The following CLPB variants were observed in gnomAD, a reference collection of about 807,000 sequenced individuals.
CLPB encodes mitochondrial disaggregase.
A neutral mutation model predicts 78.4 loss-of-function variants in CLPB; 40 were observed. The observed-to-expected ratio is 0.51, with a 90% CI of 0.40 to 0.66. The LOEUF (loss-of-function observed/expected upper bound fraction) is 0.66. CLPB is among the 30% of genes least tolerant of loss of function. The pLI is 0.00. For synonymous variants in CLPB, 333 were observed against 348.0 expected, an observed-to-expected ratio of 0.96 and a Z score of 0.48; for missense variants, 780 against 886.9, an observed-to-expected ratio of 0.88 and a Z score of 1.53.
At chr11:72,354,159 A>T in intron 5 of CLPB, 1 of 365,974 alleles carries the variant, frequency 2.7e-6, no homozygotes, top group East Asian at 3.9e-5. Flanking sequence ...CAAGATCCTG[A>T]CTCCAATATT....
chr11:72,328,945 G>A (rs1397163605), intron 6 of CLPB, among the ~76,000 whole-genome samples: 1 of 152,184 alleles, frequency 6.6e-6, no homozygotes, highest in African/African-American at 2.4e-5. Flanking sequence ...GGCCACGTGG[G>A]CAGTGCTCTA....
At position 72,304,762 on chromosome 11, in the gene CLPB, A is replaced by T. The variant is rs545204753; in HGVS notation, c.1123-2414T>A. ...CCAGAACTAGAATTCACATCATCAG[A>T]CTCCAGGCCAGTGCTCATTTCATTT... is the stretch of plus-strand genomic sequence containing the variant. On this transcript the variant is annotated intron_variant, in intron 9 of 15. Transcript: ENST00000538039. 2.6e-5 allele frequency among the ~76,000 whole-genome samples: 4 copies of T among 152,204 alleles called. No individual in the cohort carries two copies. The South Asian group carries it at 8.3e-4, about 32-fold the overall frequency.
intron 5 of CLPB, among the ~76,000 whole-genome samples, chr11:72,336,461 G>C (rs1475769705): frequency 6.6e-6 from 1 of 152,164 alleles, no homozygotes; most frequent in Non-Finnish European, 1.5e-5. Context: ...CAGGGCACTT[G>C]CTCTACTTCT....
chr11:72,349,944 A>T (rs1043562321), intron 5 of CLPB, among the ~76,000 whole-genome samples: 2 of 152,362 alleles, frequency 1.3e-5, no homozygotes, highest in Admixed American at 6.5e-5. Context: ...GTCATGCCGG[A>T]TACCGGCCAG....
intron 2 of CLPB, among the ~76,000 whole-genome samples, chr11:72,422,189 C>A (rs1856223816): frequency 1.3e-5 from 2 of 149,480 alleles, no homozygotes; most frequent in South Asian, 4.2e-4. Context: ...TGGCGTGAAC[C>A]CGAGAGGCGG....
intron 5 of CLPB, chr11:72,332,846 C>T (rs1950252721): frequency 6.6e-6 from 1 of 152,162 alleles, no homozygotes. Context: ...GTTTTTCTAT[C>T]AGGTGATGAT....
intron 4 of CLPB, among the ~76,000 whole-genome samples, chr11:72,378,704 C>T (rs1307649252): frequency 6.6e-6 from 1 of 152,158 alleles, no homozygotes; most frequent in Admixed American, 6.5e-5. Context: ...AGCTGAGTCC[C>T]CACATATCAG....
chr11:72,300,537 T>C (rs558803309), intron 11 of CLPB, among the ~76,000 whole-genome samples: 42 of 152,206 alleles, frequency 2.8e-4, no homozygotes, highest in Admixed American at 2.7e-3. Flanking sequence ...AGGGAGCAGC[T>C]GAAGGGCTAG....
chr11:72,375,266 G>C (rs976222491), intron 4 of CLPB, among the ~76,000 whole-genome samples: 2 of 152,158 alleles, frequency 1.3e-5, no homozygotes, highest in Non-Finnish European at 2.9e-5. Flanking sequence ...CATCTAAAAT[G>C]CAAGTGTGAA....
At chr11:72,396,410 G>C (rs1280850382) in intron 3 of CLPB, among the ~76,000 whole-genome samples, 1 of 152,134 alleles carries the variant, frequency 6.6e-6, no homozygotes. Flanking sequence ...AGCCCAAGCA[G>C]GATGAAATCA....
intron 4 of CLPB, among the ~76,000 whole-genome samples, chr11:72,366,738 G>T (rs1414554961): frequency 6.6e-6 from 1 of 152,080 alleles, no homozygotes; most frequent in Non-Finnish European, 1.5e-5. Flanking sequence ...GCTCTTATTG[G>T]TGAGGCTGTA....
chr11:72,353,274 T>C (rs1336640259), intron 5 of CLPB: 2 of 152,286 alleles, frequency 1.3e-5, no homozygotes, highest in Admixed American at 1.3e-4. Context: ...GAGGATTCAC[T>C]AAAGTAGGTG....
At chr11:72,420,498 GA>G (rs546331590) in intron 2 of CLPB, among the ~76,000 whole-genome samples, 4,616 of 142,600 alleles carry the variant, frequency 0.032, 97 homozygotes, top group Non-Finnish European at 0.043. Context: ...CATCTCAGGG[GA>G]AAAAAAAAAA....
At chr11:72,323,254 T>C (rs904386624) in intron 6 of CLPB, among the ~76,000 whole-genome samples, 2 of 152,164 alleles carry the variant, frequency 1.3e-5, no homozygotes, top group African/African-American at 4.8e-5. Context: ...TTTTACAAAA[T>C]AACCAACCTG....
intron 2 of CLPB, among the ~76,000 whole-genome samples, chr11:72,407,424 T>G (rs1252349117): frequency 6.6e-6 from 1 of 152,224 alleles, no homozygotes; most frequent in Non-Finnish European, 1.5e-5. Context: ...GACTAACAAT[T>G]TTGAGCTATT....
chr11:72,358,523 C>T (rs139939928), intron 5 of CLPB, among the ~76,000 whole-genome samples: 24 of 152,062 alleles, frequency 1.6e-4, no homozygotes, highest in African/African-American at 5.5e-4. Context: ...TTGGAGGTCA[C>T]GGGGGAGAAG....
At chr11:72,398,078 C>T (rs961778945) in intron 3 of CLPB, among the ~76,000 whole-genome samples, 24 of 152,208 alleles carry the variant, frequency 1.6e-4, no homozygotes, top group African/African-American at 5.8e-4. Flanking sequence ...CTCCCAAAGC[C>T]CTGTTCTGGT....
At chr11:72,422,081 C>T (rs1389786237) in intron 2 of CLPB, among the ~76,000 whole-genome samples, 3 of 151,082 alleles carry the variant, frequency 2.0e-5, no homozygotes, top group Non-Finnish European at 4.4e-5. Flanking sequence ...TCTTGGCTAA[C>T]ATGGTGAAAC....
At chr11:72,377,500 C>G (rs1281052086) in intron 4 of CLPB, among the ~76,000 whole-genome samples, 3 of 152,082 alleles carry the variant, frequency 2.0e-5, no homozygotes, top group African/African-American at 7.2e-5. Flanking sequence ...CATAAGGGGA[C>G]ATGATAGCCT....
Sources: allele counts gnomAD v4.1 joint callset (sites outside exome capture counted in the v4.1 genomes callset), GRCh38; gene constraint gnomAD v4.1.1; transcripts MANE v1.5; gene names NCBI Gene and HGNC (gene_info 2026-07-23, HGNC 2026-07-21).